UBE4A: variants seen among roughly 807,000 people sequenced by gnomAD.
UBE4A encodes ubiquitination factor E4A, also known as ubiquitin conjugation factor E4 A.
Under a neutral mutation model 117.9 loss-of-function variants are expected in UBE4A, and 48 were observed. That is an observed-to-expected ratio of 0.41 (90% CI 0.32 to 0.52). The LOEUF is 0.52. UBE4A is among the 20% of genes least tolerant of loss of function. UBE4A has a pLI of 0.33. For synonymous variants in UBE4A, 407 were observed against 450.0 expected, an observed-to-expected ratio of 0.90 and a Z score of 1.21; for missense variants, 1,067 against 1,296.3, an observed-to-expected ratio of 0.82 and a Z score of 2.72.
chr11:118,367,246 T>TA (rs201188460), intron 2 of UBE4A, among the ~76,000 whole-genome samples: 31,140 of 136,818 alleles, frequency 0.23, 3,711 homozygotes, highest in East Asian at 0.52. Flanking sequence ...GACAGAAGTT[T>TA]AAAAAAAAAA....
intron 4 of UBE4A, among the ~76,000 whole-genome samples, chr11:118,370,712 G>A (rs1024214513): frequency 3.3e-5 from 5 of 152,096 alleles, no homozygotes; most frequent in African/African-American, 1.2e-4. Context: ...TTCAGGGTAT[G>A]TCCTTGGCCT....
Position 118,379,489 on chromosome 11 carries a change from C to T in UBE4A, c.1615C>T (p.Leu539=). The T allele has an allele frequency of 6.2e-7, 1 of 1,614,128 alleles. No homozygotes were observed. The highest frequency in any genetic ancestry group is 1.3e-5 in the African/African-American group (1 of 75,058). ...AAAAATCAACCAAAATCTGCATCGG[C>T]TGCAGGTTGCCTGGCGGGATGCTCA... The part of the protein sequence containing the change: ...MVKINQNLHR[L]QVAWRDAQQS... Residue 539 remains leucine, a synonymous_variant, in exon 11 of 20, where the codon CTG becomes TTG. Coordinates refer to ENST00000252108, the MANE Select transcript of UBE4A (RefSeq NM_001204077.2).
At position 118,373,653 on chromosome 11, in the gene UBE4A, G is replaced by A; in HGVS notation, c.1084G>A (p.Glu362Lys). Residue 362 changes from glutamate to lysine, a missense_variant, in exon 8 of 20, where the codon GAG (glutamate) becomes AAG (lysine). By Grantham distance (56) the Glu-to-Lys change is moderately conservative. Coordinates refer to ENST00000252108, the MANE Select transcript of UBE4A (RefSeq NM_001204077.2). ...FLNPSRSSPQEIKVQEANIHQ... is the reference protein window; with the variant it reads ...FLNPSRSSPQKIKVQEANIHQ... Reference sequence around the variant, plus strand: ...GAATCCATCTCGTTCCAGCCCCCAGGAGATCAAAGTACAGGAGGCCAACAT... The same window carrying A: ...GAATCCATCTCGTTCCAGCCCCCAGAAGATCAAAGTACAGGAGGCCAACAT... 6.2e-7 allele frequency: 1 copy of A among 1,614,122 alleles called. No individual in the cohort carries two copies. The highest frequency in any genetic ancestry group is 8.5e-7 in the Non-Finnish European group (1 of 1,180,030).
chr11:118,385,881 GGT>G (rs1357287593), intron 15 of UBE4A, among the ~76,000 whole-genome samples: 3 of 152,184 alleles, frequency 2.0e-5, no homozygotes, highest in Non-Finnish European at 4.4e-5. Flanking sequence ...TTAAGCAAGA[GGT>G]GTGTGACACA....
rs60578046 is a variant in UBE4A, at chr11:118,383,414, T to C, written c.2197+638T>C. Reference sequence around the variant, plus strand: ...TTTGAGACCAGCCTGGCCAACATGGTGAAACCCATTCTCTACAAAAATACA... The same window carrying C: ...TTTGAGACCAGCCTGGCCAACATGGCGAAACCCATTCTCTACAAAAATACA... On this transcript the variant is annotated intron_variant, in intron 13 of 19. Coordinates refer to ENST00000252108, the MANE Select transcript of UBE4A (RefSeq NM_001204077.2). 2.6e-5 allele frequency among the ~76,000 whole-genome samples: 4 copies of C among 151,920 alleles called. No homozygotes were observed. In the East Asian group the frequency reaches 7.7e-4, roughly 29 times the overall value.
intron 15 of UBE4A, among the ~76,000 whole-genome samples, chr11:118,385,188 AG>A (rs1948745194): frequency 6.6e-6 from 1 of 152,174 alleles, no homozygotes; most frequent in Non-Finnish European, 1.5e-5. Context: ...ATTTTGGCAG[AG>A]TCAAAAATAC....
At chr11:118,374,576 A>G (rs1482653322) in intron 8 of UBE4A, among the ~76,000 whole-genome samples, 3 of 152,218 alleles carry the variant, frequency 2.0e-5, no homozygotes, top group East Asian at 1.9e-4. Context: ...TTCATACTAC[A>G]GTGATAGAGT....
At chr11:118,375,580 C>G (rs782598145) in intron 9 of UBE4A, among the ~76,000 whole-genome samples, 1 of 151,586 alleles carries the variant, frequency 6.6e-6, no homozygotes, top group Admixed American at 6.6e-5. Context: ...AGGATAGTCT[C>G]GATCTCTTGA....
At chr11:118,386,314 G>A (rs575333281) in intron 15 of UBE4A, 124 bp from the exon 16 acceptor site, 12 of 1,063,946 alleles carry the variant, frequency 1.1e-5, no homozygotes, top group African/African-American at 1.0e-4. Context: ...AAAGGCTCAT[G>A]TCTTTTACAT....
In UBE4A at chr11:118,388,364, C is replaced by T. The variant is rs527567781; in HGVS notation, c.2588-1361C>T. ...TCCTTACAGATTTGTTAAGAAGAAG[C>T]GATAGGCCAGGCACGGTGGCTCACG... On this transcript the variant is annotated intron_variant, in intron 16 of 19. Transcript: ENST00000252108. 2.4e-4 allele frequency among the ~76,000 whole-genome samples: 37 copies of T among 152,114 alleles called. No individual in the cohort carries two copies. The South Asian group carries it at 5.6e-3, about 23-fold the overall frequency.
At chr11:118,378,647 T>C (rs1948674298) in intron 10 of UBE4A, 1 of 152,244 alleles carries the variant, frequency 6.6e-6, no homozygotes, top group African/African-American at 2.4e-5. Context: ...AAGGAAATTA[T>C]GTCTTTAGAG....
At position 118,373,151 on chromosome 11, in the gene UBE4A, A is replaced by G; in HGVS notation, c.787A>G (p.Arg263Gly). Residue 263 changes from arginine (R) to glycine (G), a missense_variant, in exon 7 of 20, where the codon AGA becomes GGA. Physicochemically the swap from Arg to Gly is moderately radical, Grantham distance 125. Around this residue, in one of 3 missense-constraint regions of UBE4A, gnomAD observed 1,001 missense variants for 1,184.0 expected, o/e 0.85. Transcript: ENST00000252108. ...AGCCTTGATATTGGATGAGGAAGTT[A>G]GAACATTTCCAGAAGTCATGATTCC... The part of the protein sequence containing the change: ...IEALILDEEV[R>G]TFPEVMIPVF... 2 of 1,614,150 alleles carry G rather than the reference A, an allele frequency of 1.2e-6. No individual in the cohort carries two copies. The highest frequency in any genetic ancestry group is 1.7e-6 in the Non-Finnish European group (2 of 1,180,028).
chr11:118,372,780 G>A (rs1948619618), intron 6 of UBE4A, 114 bp downstream of exon 6: 13 of 1,463,632 alleles, frequency 8.9e-6, no homozygotes, highest in Non-Finnish European at 1.2e-5. Flanking sequence ...AAATTAAGGA[G>A]GAGGGCTCAC....
chr11:118,393,449 C>T (rs1169044723), intron 19 of UBE4A, among the ~76,000 whole-genome samples: 1 of 152,098 alleles, frequency 6.6e-6, no homozygotes, highest in Non-Finnish European at 1.5e-5. Flanking sequence ...CAGGCATGCA[C>T]TAACACGCCC....
intron 1 of UBE4A, among the ~76,000 whole-genome samples, chr11:118,361,448 C>G (rs1387969491): frequency 6.6e-6 from 1 of 152,148 alleles, no homozygotes; most frequent in Non-Finnish European, 1.5e-5. Context: ...GTCCATTGAA[C>G]AAATCTAAAC....
intron 8 of UBE4A, among the ~76,000 whole-genome samples, chr11:118,374,671 G>A (rs1422691838): frequency 6.6e-6 from 1 of 152,184 alleles, no homozygotes; most frequent in African/African-American, 2.4e-5. Context: ...TTACAGACCT[G>A]TGCTCTAATA....
At chr11:118,367,604 C>G (rs749376530) in intron 2 of UBE4A, among the ~76,000 whole-genome samples, 11 of 149,694 alleles carry the variant, frequency 7.3e-5, no homozygotes, top group Non-Finnish European at 1.3e-4. Context: ...CGGGTTTAAG[C>G]AATTCTCCTG....
chr11:118,376,727 T>G, intron 10 of UBE4A, 33 bp downstream of exon 10: 1 of 1,606,730 alleles, frequency 6.2e-7, no homozygotes, highest in Admixed American at 1.7e-5. Context: ...GAAAAAACAG[T>G]TTAGTTGTGT....
At chr11:118,367,410 T>G (rs1436778440) in intron 2 of UBE4A, among the ~76,000 whole-genome samples, 1 of 152,170 alleles carries the variant, frequency 6.6e-6, no homozygotes, top group East Asian at 1.9e-4. Context: ...AAATTGTTTT[T>G]TTACCTATGA....
Sources: gnomAD v4.1 joint callset for allele counts (sites outside exome capture counted in the v4.1 genomes callset) on GRCh38, gnomAD v4.1.1 for gene constraint, gnomAD v4.1.1 regional missense constraint, MANE v1.5 for transcripts, NCBI Gene and HGNC (gene_info 2026-07-23, HGNC 2026-07-21) for gene names.